DNAH7: variants seen among roughly 807,000 people sequenced by gnomAD.
DNAH7 encodes axonemal beta dynein heavy chain 7.
Under a neutral mutation model 444.6 loss-of-function variants are expected in DNAH7, and 397 were observed. That is an observed-to-expected ratio of 0.89 (90% confidence interval 0.82 to 0.97). The LOEUF (loss-of-function observed/expected upper bound fraction) is 0.97. Ranked by LOEUF, DNAH7 falls within the 50% of genes least tolerant of loss-of-function variation. The pLI is 0.00. For synonymous variants in DNAH7, 1,636 were observed against 1,624.4 expected (o/e 1.01, Z -0.17); for missense variants, 4,902 against 4,800.8 (o/e 1.02, Z -0.62).
intron 41 of DNAH7, 93 bp from the exon 42 acceptor site, chr2:195,862,039 G>A (rs911963914): frequency 3.2e-6 from 3 of 952,070 alleles, no homozygotes; most frequent in South Asian, 3.2e-5. Flanking sequence ...GATGTTGGGG[G>A]TGAAGGGGAA....
At chr2:195,941,256 CA>C (rs1391521780) in intron 19 of DNAH7, among the ~76,000 whole-genome samples, 4 of 151,962 alleles carry the variant, frequency 2.6e-5, no homozygotes, top group Non-Finnish European at 5.9e-5. Flanking sequence ...TCATTCTCAG[CA>C]AACTAACACA....
At chr2:196,011,059 T>G (rs1317902728) in intron 10 of DNAH7, among the ~76,000 whole-genome samples, 1 of 152,040 alleles carries the variant, frequency 6.6e-6, no homozygotes, top group Non-Finnish European at 1.5e-5. Context: ...AAAAATACAG[T>G]TGATAGAAGG....
At position 195,926,142 on chromosome 2, in the gene DNAH7, A is replaced by G. The variant is rs185427206; in HGVS notation, c.3612+284T>C. Among the ~76,000 whole-genome samples the G allele has an allele frequency of 2.6e-4, 39 of 152,224 alleles. 1 individual carries two copies. Among genetic ancestry groups the G allele is most frequent in the African/African-American group, 1.7e-4 (7 of 41,568 alleles). Reference sequence around the variant, plus strand: ...AGTCCTATTATCACTCTATTTTTAAAGGCATAAAATGTATATAATAACAAG... The same window carrying G: ...AGTCCTATTATCACTCTATTTTTAAGGGCATAAAATGTATATAATAACAAG... On this transcript the variant is annotated intron_variant, in intron 22 of 64. Transcript: ENST00000312428.
At chr2:195,888,553 A>G in intron 32 of DNAH7, 119 bp from the exon 33 acceptor site, 14 of 1,098,912 alleles carry the variant, frequency 1.3e-5, no homozygotes, top group Non-Finnish European at 1.0e-5. Context: ...GCTTAATATT[A>G]TATAATTTCA....
chr2:195,987,985 A>C lies in DNAH7; in HGVS notation c.1598T>G (p.Ile533Arg). The change falls in exon 13 of 65, where the codon ATA becomes AGA. Residue 533 changes from isoleucine (I) to arginine (R), a missense_variant. By Grantham distance (97) the Ile-to-Arg change is moderately conservative. Coordinates refer to ENST00000312428, the MANE Select transcript of DNAH7 (RefSeq NM_018897.3). The stretch of plus-strand genomic sequence containing the variant: ...TATGGATGTGTACTGTATTTCCTCT[A>C]TTAGTTTCTGGTATTTGCAAATTTC... ...IDEICKYQKL[I>R]EEIQYTSIKT... is the part of the protein sequence containing the mutation. 6.2e-7 allele frequency: 1 copy of C among 1,612,140 alleles called. No homozygotes were observed. Among genetic ancestry groups the C allele is most frequent in the Non-Finnish European group, 8.5e-7 (1 of 1,179,006 alleles).
At chr2:195,844,890 TTAAG>T in intron 47 of DNAH7, 108 bp downstream of exon 47, 1 of 861,218 alleles carries the variant, frequency 1.2e-6, no homozygotes, top group Non-Finnish European at 1.7e-6. Flanking sequence ...CACTAATTAG[TTAAG>T]TAATTTTTTA....
intron 61 of DNAH7, among the ~76,000 whole-genome samples, chr2:195,763,247 A>G (rs944701155): frequency 2.0e-5 from 3 of 152,176 alleles, no homozygotes; most frequent in Non-Finnish European, 4.4e-5. Flanking sequence ...AAGTGTTTCT[A>G]AACTATGTTT....
chr2:196,019,166 T>G lies in DNAH7; in HGVS notation c.869+4A>C, dbSNP rs777044670. 6.8e-7 allele frequency: 1 copy of G among 1,465,988 alleles called. No homozygotes were observed. The allele number at this position is 1,465,988 out of a possible 1,614,324, so 90.8% of individuals were successfully genotyped here. A position where few individuals can be genotyped will look rare whatever the true frequency, so the allele number is the denominator to read the frequency against. ...AAAACCTCTATAAGGCCACATATACTCACTTAAAATTAGTGTGCCACAAAT... is the reference window on the plus strand; with the variant it reads ...AAAACCTCTATAAGGCCACATATACGCACTTAAAATTAGTGTGCCACAAAT... On this transcript the variant is annotated splice_donor_region_variant and intron_variant, in intron 9 of 64. Transcript: ENST00000312428.
At chr2:196,018,327 G>A (rs776196067) in intron 9 of DNAH7, among the ~76,000 whole-genome samples, 5 of 151,854 alleles carry the variant, frequency 3.3e-5, no homozygotes, top group East Asian at 1.9e-4. Context: ...TGGTAAAAAC[G>A]TATAGTATCA....
intron 24 of DNAH7, among the ~76,000 whole-genome samples, chr2:195,913,451 A>C (rs531546779): frequency 8.5e-5 from 13 of 152,340 alleles, no homozygotes; most frequent in African/African-American, 3.1e-4. Context: ...AAACTCAATC[A>C]CTTAATAAAA....
intron 10 of DNAH7, among the ~76,000 whole-genome samples, chr2:196,011,264 T>A (rs1694713892): frequency 6.6e-6 from 1 of 152,178 alleles, no homozygotes; most frequent in Non-Finnish European, 1.5e-5. Context: ...AATATTCCAT[T>A]AATATATGTA....
chr2:195,950,860 A>AAAC (rs1690188310), intron 19 of DNAH7, among the ~76,000 whole-genome samples: 1 of 143,136 alleles, frequency 7.0e-6, no homozygotes, highest in Non-Finnish European at 1.5e-5. Context: ...TCAAAAAAAA[A>AAAC]AAAAAAAAAA....
At chr2:195,978,966 A>G (rs1347007830) in intron 15 of DNAH7, among the ~76,000 whole-genome samples, 1 of 152,186 alleles carries the variant, frequency 6.6e-6, no homozygotes, top group African/African-American at 2.4e-5. Context: ...ACCTCAATAC[A>G]ATAATAACTG....
intron 51 of DNAH7, among the ~76,000 whole-genome samples, chr2:195,816,128 C>A (rs1209754366): frequency 1.3e-5 from 2 of 151,986 alleles, no homozygotes; most frequent in African/African-American, 4.8e-5. Context: ...ATTGTAATAG[C>A]CAACAGTAAT....
At position 195,849,031 on chromosome 2, in the gene DNAH7, T is replaced by A. The variant is rs150680134; in HGVS notation, c.8782-3866A>T. On this transcript the variant is annotated intron_variant, in intron 46 of 64. Transcript: ENST00000312428. ...TAATAAGCATTCTGCGGGGAGATACTTTGTAACCATGAAAATGTCCTGTTT... is the reference window on the plus strand; with the variant it reads ...TAATAAGCATTCTGCGGGGAGATACATTGTAACCATGAAAATGTCCTGTTT... Among the ~76,000 whole-genome samples the A allele has an allele frequency of 9.8e-5, 15 of 152,360 alleles. No homozygotes were observed. The East Asian group carries it at 1.7e-3, about 18-fold the overall frequency.
intron 51 of DNAH7, among the ~76,000 whole-genome samples, chr2:195,815,607 T>C (rs1351281830): frequency 1.3e-5 from 2 of 152,200 alleles, no homozygotes; most frequent in East Asian, 3.8e-4. Flanking sequence ...GTCAAGAAAC[T>C]GAAGTATTTA....
At chr2:196,000,614 G>T in intron 12 of DNAH7, 90 bp downstream of exon 12, 1 of 1,089,686 alleles carries the variant, frequency 9.2e-7, no homozygotes, top group Non-Finnish European at 1.3e-6. Context: ...ATTCTGTGAA[G>T]CAGAGGATAC....
chr2:195,999,208 G>T (rs758209164), intron 12 of DNAH7: 18 of 717,336 alleles, frequency 2.5e-5, no homozygotes, highest in African/African-American at 1.9e-4. Context: ...TTGAATATGA[G>T]AAAAGTAAAA....
intron 30 of DNAH7, chr2:195,892,652 C>T (rs1176336067): frequency 1.3e-5 from 2 of 151,926 alleles, no homozygotes; most frequent in East Asian, 3.9e-4. Context: ...CATATTAATG[C>T]ATTACTATTA....
Sources: gnomAD v4.1 joint callset for allele counts (sites outside exome capture counted in the v4.1 genomes callset) on GRCh38, gnomAD v4.1.1 for gene constraint, MANE v1.5 for transcripts, NCBI Gene and HGNC (gene_info 2026-07-23, HGNC 2026-07-21) for gene names.